FBXO36: variants seen among roughly 807,000 people sequenced by gnomAD.
FBXO36 encodes F-box only protein 36.
In FBXO36, 18 loss-of-function variants were observed where a neutral mutation model predicts 17.0. The observed-to-expected ratio is 1.06, with a 90% CI of 0.73 to 1.57. The LOEUF (loss-of-function observed/expected upper bound fraction) is 1.57, where lower values mean the gene tolerates loss of function less well. FBXO36 is among the 40% of genes most tolerant of loss of function. The pLI is 0.00. For missense variants in FBXO36, 229 were observed against 221.9 expected (o/e 1.03, Z -0.20); for synonymous variants, 83 against 85.3 (o/e 0.97, Z 0.15).
In FBXO36 at chr2:229,943,752, T is replaced by C. The variant is rs2077012222; in HGVS notation, c.96+21143T>C. Among the ~76,000 whole-genome samples, 5 of 152,222 alleles carry C rather than the reference T, an allele frequency of 3.3e-5. No individual in the cohort carries two copies. In the South Asian group the frequency reaches 1.0e-3, roughly 32 times the overall value. On this transcript the variant is annotated intron_variant, in intron 1 of 3. Transcript: ENST00000283946. ...ATTCCTCAAAACTCCCTGAAGTGAT[T>C]AGATATTGAATCCCATGCCTAAGAC... is the stretch of plus-strand genomic sequence containing the variant.
At position 229,932,333 on chromosome 2, in the gene FBXO36, C is replaced by A. The variant is rs968012237; in HGVS notation, c.96+9724C>A. Among the ~76,000 whole-genome samples the A allele has an allele frequency of 3.9e-5, 6 of 151,916 alleles. No individual in the cohort carries two copies. The East Asian group carries it at 1.2e-3, about 30-fold the overall frequency. On this transcript the variant is annotated intron_variant, in intron 1 of 3. Coordinates refer to ENST00000283946, the MANE Select transcript of FBXO36 (RefSeq NM_174899.5). ...GTCAGGAGTTCGAGACCAGCCTGAC[C>A]AACATGGAGAAACCCAGTCTCTACT...
rs1238614603 is a variant in FBXO36, at chr2:229,922,550, GTA to G, written c.38_39del (p.Val13GlyfsTer7). 1 of 1,614,068 alleles carries G rather than the reference GTA, an allele frequency of 6.2e-7. No individual in the cohort carries two copies. Among genetic ancestry groups the G allele is most frequent in the Non-Finnish European group, 8.5e-7 (1 of 1,180,020 alleles). On this transcript the variant is annotated frameshift_variant, in exon 1 of 4. Transcript: ENST00000283946. LOFTEE classifies it high-confidence loss of function. ...SWLPETLFETVGQGPPPSKDY... is the reference protein window; with the variant it reads ...SWLPETLFETXGQGPPPSKDY... ...GCTGCCGGAGACTCTCTTTGAAACT[GTA>G]GGACAAGGCCCGCCGCCTAGCAAAG...
chr2:229,995,590 TTCTTTC>T, intron 2 of FBXO36, among the ~76,000 whole-genome samples: 1 of 135,658 alleles, frequency 7.4e-6, no homozygotes, highest in Non-Finnish European at 1.6e-5. Flanking sequence ...TTCTCTTTCT[TTCTTTC>T]TTTTTTTTTT....
chr2:229,955,880 CTGT>C (rs1253605651), intron 1 of FBXO36, among the ~76,000 whole-genome samples: 3 of 152,192 alleles, frequency 2.0e-5, no homozygotes, highest in Non-Finnish European at 4.4e-5. Context: ...GGTTTATAGA[CTGT>C]AGGACCAAAT....
chr2:229,941,240 G>A (rs766841433), intron 1 of FBXO36, among the ~76,000 whole-genome samples: 1 of 152,124 alleles, frequency 6.6e-6, no homozygotes, highest in Non-Finnish European at 1.5e-5. Context: ...CAGATCACGA[G>A]GTCAGGAGAT....
chr2:229,985,791 G>A (rs2077265039), intron 2 of FBXO36, among the ~76,000 whole-genome samples: 1 of 152,234 alleles, frequency 6.6e-6, no homozygotes, highest in South Asian at 2.1e-4. Context: ...GCTCATGCCT[G>A]TAATCCCAGC....
chr2:230,010,914 A>G lies in FBXO36; in HGVS notation c.*30A>G. 2 of 1,569,350 alleles carry G rather than the reference A, an allele frequency of 1.3e-6. No individual in the cohort carries two copies. The highest frequency in any genetic ancestry group is 2.3e-5 in the East Asian group (1 of 43,092). ...ACATTTTCCTACCAGCAGGGAGCTC[A>G]GGCATGGCTGTGTTTCTCTTCAGTG... On this transcript the variant is annotated 3_prime_UTR_variant, in exon 4 of 4. Coordinates refer to ENST00000283946, the MANE Select transcript of FBXO36 (RefSeq NM_174899.5).
At chr2:229,966,792 T>C (rs1485132598) in intron 1 of FBXO36, among the ~76,000 whole-genome samples, 2 of 152,204 alleles carry the variant, frequency 1.3e-5, no homozygotes, top group Non-Finnish European at 2.9e-5. Flanking sequence ...AGCCTTGTAG[T>C]ATAGTTTGAA....
chr2:230,010,675 T>A, intron 3 of FBXO36, 21 bp from the exon 4 acceptor site: 2 of 1,589,348 alleles, frequency 1.3e-6, no homozygotes, highest in South Asian at 2.3e-5. Flanking sequence ...GTAACCCACC[T>A]CTGACTTTTC....
rs1317082401 is a variant in FBXO36 at position 229,973,059 on chromosome 2, C to CA, written c.97-3169dup. On this transcript the variant is annotated intron_variant, in intron 1 of 3. Coordinates refer to ENST00000283946, the MANE Select transcript of FBXO36 (RefSeq NM_174899.5). ...CCTGGGACAGAGCAAGACTCTGTCT[C>CA]AAAAAAAAAAAAAGAAAAAGATATT... is the stretch of plus-strand genomic sequence containing the variant. Among the ~76,000 whole-genome samples, 774 of 112,374 alleles carry CA rather than the reference C, an allele frequency of 6.9e-3. 5 individuals carry two copies. The highest frequency in any genetic ancestry group is 0.02 in the African/African-American group (606 of 30,140). The allele number at this position is 112,374 out of a possible 152,430, so 73.7% of individuals were successfully genotyped here. A position where few individuals can be genotyped will look rare whatever the true frequency, so the allele number is the denominator to read the frequency against.
Position 229,922,635 on chromosome 2 carries a change from C to T in FBXO36, c.96+26C>T, listed in dbSNP as rs200692739. 6 of 1,610,186 alleles carry T rather than the reference C, an allele frequency of 3.7e-6. No individual in the cohort carries two copies. The Admixed American group carries it at 1.0e-4, about 27-fold the overall frequency. ...GCAAGTGCGAGCCGCGGTTTACCCT[C>T]TCTCCTAACTCCCTACCTGGCCCGG... On this transcript the variant is annotated intron_variant, in intron 1 of 3. Coordinates refer to ENST00000283946, the MANE Select transcript of FBXO36 (RefSeq NM_174899.5).
Position 229,955,648 on chromosome 2 carries a change from C to G in FBXO36, c.97-20593C>G, listed in dbSNP as rs1477940033. The stretch of plus-strand genomic sequence containing the variant: ...TGTCTGTTTTGCCTAAAACAATGCC[C>G]TCTGTGTTTGTGGAATGAATGAAAT... On this transcript the variant is annotated intron_variant, in intron 1 of 3. Coordinates refer to ENST00000283946, the MANE Select transcript of FBXO36 (RefSeq NM_174899.5). 2.0e-5 allele frequency among the ~76,000 whole-genome samples: 3 copies of G among 152,292 alleles called. No homozygotes were observed. In the East Asian group the frequency reaches 5.8e-4, roughly 29 times the overall value.
chr2:229,962,821 G>A (rs1381704479), intron 1 of FBXO36, among the ~76,000 whole-genome samples: 1 of 151,626 alleles, frequency 6.6e-6, no homozygotes, highest in Non-Finnish European at 1.5e-5. Context: ...GGGATTATAG[G>A]CATGCACCAC....
intron 2 of FBXO36, among the ~76,000 whole-genome samples, chr2:229,988,700 A>AAGAAG (rs2077281865): frequency 6.6e-6 from 1 of 151,676 alleles, no homozygotes; most frequent in South Asian, 2.1e-4. Flanking sequence ...ATGCCCAGCA[A>AAGAAG]ATTTTGTATT....
At chr2:229,958,534 G>T (rs2077103754) in intron 1 of FBXO36, among the ~76,000 whole-genome samples, 3 of 152,148 alleles carry the variant, frequency 2.0e-5, no homozygotes, top group Admixed American at 2.0e-4. Context: ...CTCCCTAAGT[G>T]GTGGGATTAC....
intron 1 of FBXO36, among the ~76,000 whole-genome samples, chr2:229,975,810 T>TG (rs55998456): frequency 1.3e-3 from 66 of 50,934 alleles, no homozygotes; most frequent in Middle Eastern, 0.01. Flanking sequence ...TTTTTTTTGG[T>TG]GGGGGGGCGG....
intron 1 of FBXO36, among the ~76,000 whole-genome samples, chr2:229,972,036 C>T (rs1005082022): frequency 2.0e-5 from 3 of 148,610 alleles, no homozygotes; most frequent in Non-Finnish European, 4.4e-5. Flanking sequence ...GCTCTTGTCC[C>T]CGGCTGGAGT....
At chr2:229,924,750 A>G (rs774068971) in intron 1 of FBXO36, among the ~76,000 whole-genome samples, 11 of 149,886 alleles carry the variant, frequency 7.3e-5, no homozygotes, top group Admixed American at 2.0e-4. Context: ...ACTTAGGCGC[A>G]TGCCTTCCTC....
chr2:229,948,684 T>A lies in FBXO36; in HGVS notation c.96+26075T>A, dbSNP rs544546969. On this transcript the variant is annotated intron_variant, in intron 1 of 3. Coordinates refer to ENST00000283946, the MANE Select transcript of FBXO36 (RefSeq NM_174899.5). Reference sequence around the variant, plus strand: ...TTTCATCTCTTCCTCCTTCCTACTGTCTAGAATGCAGATTCTGTGGCTAGG... The same window carrying A: ...TTTCATCTCTTCCTCCTTCCTACTGACTAGAATGCAGATTCTGTGGCTAGG... Among the ~76,000 whole-genome samples the A allele has an allele frequency of 2.0e-5, 3 of 152,244 alleles. No homozygotes were observed. The South Asian group carries it at 6.2e-4, about 32-fold the overall frequency.
Sources: gnomAD v4.1 joint callset for allele counts (sites outside exome capture counted in the v4.1 genomes callset) on GRCh38, gnomAD v4.1.1 for gene constraint, MANE v1.5 for transcripts, NCBI Gene and HGNC (gene_info 2026-07-23, HGNC 2026-07-21) for gene names.